Variants in NCAM2 observed in about 807,000 individuals in gnomAD.
The protein encoded by NCAM2 is neural cell adhesion molecule 2, also known as N-CAM-2.
A neutral mutation model predicts 98.1 loss-of-function variants in NCAM2; 30 were observed. That is an observed-to-expected ratio of 0.31 (90% CI 0.23 to 0.41). The LOEUF (loss-of-function observed/expected upper bound fraction) is 0.41, where lower values mean the gene tolerates loss of function less well. Among genes scored for constraint, NCAM2 ranks in the 10% least tolerant of loss-of-function variants. The pLI, the probability that NCAM2 is intolerant of heterozygous loss-of-function variation, is 1.00. For missense variants in NCAM2, 867 were observed against 1,005.8 expected, an observed-to-expected ratio of 0.86 and a Z score of 1.87; for synonymous variants, 368 against 342.4, an observed-to-expected ratio of 1.07 and a Z score of -0.83.
intron 1 of NCAM2, among the ~76,000 whole-genome samples, chr21:21,135,925 G>C (rs941231264): frequency 2.2e-5 from 3 of 139,012 alleles, no homozygotes. Context: ...TCCTAAGTCA[G>C]TGTCCCATGT....
chr21:21,324,610 C>A, intron 6 of NCAM2, 110 bp downstream of exon 6: 1 of 794,038 alleles, frequency 1.3e-6, no homozygotes, highest in Non-Finnish European at 2.0e-6. Flanking sequence ...ATTTTAGTTT[C>A]ATTAAAAAAA....
intron 9 of NCAM2, among the ~76,000 whole-genome samples, chr21:21,375,216 AAAAAC>A (rs1440171736): frequency 6.7e-6 from 1 of 148,196 alleles, no homozygotes; most frequent in African/African-American, 2.5e-5. Context: ...AAACAAAAAC[AAAAAC>A]AAAAAAAAAA....
intron 6 of NCAM2, among the ~76,000 whole-genome samples, chr21:21,329,870 T>G (rs1168796604): frequency 6.6e-6 from 1 of 152,176 alleles, no homozygotes; most frequent in Non-Finnish European, 1.5e-5. Context: ...TTTTCTTTAG[T>G]GAGCTTAGAT....
chr21:21,293,230 T>C (rs2073358032), intron 5 of NCAM2, among the ~76,000 whole-genome samples: 1 of 151,930 alleles, frequency 6.6e-6, no homozygotes, highest in African/African-American at 2.4e-5. Context: ...TATTTTAACA[T>C]CTCTCAAACA....
At chr21:21,459,495 CAT>C (rs1235112759) in intron 12 of NCAM2, among the ~76,000 whole-genome samples, 2 of 147,538 alleles carry the variant, frequency 1.4e-5, no homozygotes, top group Non-Finnish European at 3.0e-5. Flanking sequence ...TGTATGCATA[CAT>C]ATGTGTATAG....
chr21:21,210,642 C>A, intron 1 of NCAM2: 1 of 1,283,842 alleles, frequency 7.8e-7, no homozygotes, highest in Non-Finnish European at 1.0e-6. Flanking sequence ...GGAAATACAA[C>A]GAAGCACTTT....
In NCAM2 at chr21:21,028,824, G is replaced by C. The variant is rs2064609071; in HGVS notation, c.55+30206G>C. Among the ~76,000 whole-genome samples the C allele has an allele frequency of 3.9e-5, 6 of 152,092 alleles. No individual in the cohort carries two copies. In the South Asian group the frequency reaches 1.2e-3, roughly 32 times the overall value. On this transcript the variant is annotated intron_variant, in intron 1 of 17. Transcript: ENST00000400546. ...CCTGGTCGTATTTAACATTCTGTTGGGGAGAGGGAAACAAAACAAGTGTAT... is the reference window on the plus strand; with the variant it reads ...CCTGGTCGTATTTAACATTCTGTTGCGGAGAGGGAAACAAAACAAGTGTAT...
intron 5 of NCAM2, among the ~76,000 whole-genome samples, chr21:21,308,674 T>A (rs1028390208): frequency 2.0e-5 from 3 of 152,112 alleles, no homozygotes; most frequent in African/African-American, 7.2e-5. Flanking sequence ...TTTAGAAAAG[T>A]TTTAGTCATT....
chr21:21,350,803 C>G (rs1327677049), intron 8 of NCAM2, among the ~76,000 whole-genome samples: 1 of 151,918 alleles, frequency 6.6e-6, no homozygotes, highest in Non-Finnish European at 1.5e-5. Flanking sequence ...TTTCTAATAT[C>G]TAGGTCGGGT....
intron 16 of NCAM2, among the ~76,000 whole-genome samples, chr21:21,528,907 A>G (rs950179105): frequency 1.3e-5 from 2 of 152,152 alleles, no homozygotes; most frequent in Admixed American, 6.6e-5. Flanking sequence ...TATAACTTCA[A>G]ATATTCCAGA....
At chr21:21,125,375 T>A (rs552542718) in intron 1 of NCAM2, among the ~76,000 whole-genome samples, 2 of 146,734 alleles carry the variant, frequency 1.4e-5, no homozygotes. Flanking sequence ...ATATATGTAA[T>A]ATATAATATT....
chr21:21,426,572 C>T (rs2077218299), intron 11 of NCAM2, among the ~76,000 whole-genome samples: 1 of 152,162 alleles, frequency 6.6e-6, no homozygotes, highest in Admixed American at 6.5e-5. Context: ...GTGAAGTCTG[C>T]AATGACTAAC....
At chr21:21,503,731 T>G (rs940818315) in intron 15 of NCAM2, among the ~76,000 whole-genome samples, 1 of 151,960 alleles carries the variant, frequency 6.6e-6, no homozygotes, top group East Asian at 1.9e-4. Flanking sequence ...CAAGAAGATA[T>G]GGGGAAACAG....
At chr21:21,089,344 A>C (rs2065967471) in intron 1 of NCAM2, among the ~76,000 whole-genome samples, 1 of 152,164 alleles carries the variant, frequency 6.6e-6, no homozygotes, top group African/African-American at 2.4e-5. Flanking sequence ...TTTAAAGTAT[A>C]AGTGATTATT....
chr21:21,517,374 T>C (rs1988769736), intron 16 of NCAM2, among the ~76,000 whole-genome samples: 1 of 152,176 alleles, frequency 6.6e-6, no homozygotes, highest in Admixed American at 6.5e-5. Context: ...TTGGCTCATA[T>C]TAACATTAAC....
chr21:21,456,510 A>G lies in NCAM2; in HGVS notation c.1655-10096A>G, dbSNP rs181854908. Among the ~76,000 whole-genome samples, 4 of 152,294 alleles carry G rather than the reference A, an allele frequency of 2.6e-5. No individual in the cohort carries two copies. The East Asian group carries it at 7.7e-4, about 29-fold the overall frequency. ...TCTAATGAGAACTCAGAAACACGTA[A>G]TTAAGTAAAATATTCTGAGAAAGAC... is the stretch of plus-strand genomic sequence containing the variant. On this transcript the variant is annotated intron_variant, in intron 12 of 17. Coordinates refer to ENST00000400546, the MANE Select transcript of NCAM2 (RefSeq NM_004540.5).
intron 9 of NCAM2, among the ~76,000 whole-genome samples, chr21:21,381,536 ATAG>A (rs1365678761): frequency 6.6e-6 from 1 of 152,042 alleles, no homozygotes; most frequent in Non-Finnish European, 1.5e-5. Context: ...AAGCGATTCT[ATAG>A]GAATTTTAAA....
chr21:21,213,458 C>T (rs541585948), intron 1 of NCAM2, among the ~76,000 whole-genome samples: 1 of 152,254 alleles, frequency 6.6e-6, no homozygotes, highest in Admixed American at 6.5e-5. Flanking sequence ...TGATCTCTTA[C>T]CAATGTACTA....
At chr21:21,159,193 GTATAA>G (rs1283471360) in intron 1 of NCAM2, among the ~76,000 whole-genome samples, 2 of 152,018 alleles carry the variant, frequency 1.3e-5, no homozygotes, top group African/African-American at 2.4e-5. Flanking sequence ...TCATATAGCT[GTATAA>G]TATGTTTGTG....
Sources: allele counts gnomAD v4.1 joint callset (sites outside exome capture counted in the v4.1 genomes callset), GRCh38; gene constraint gnomAD v4.1.1; transcripts MANE v1.5; gene names NCBI Gene and HGNC (gene_info 2026-07-23, HGNC 2026-07-21).